SORCS1: variants seen among roughly 807,000 people sequenced by gnomAD.
SORCS1 encodes VPS10 domain-containing receptor SorCS1.
A neutral mutation model predicts 146.1 loss-of-function variants in SORCS1; 60 were observed. The observed-to-expected ratio is 0.41, with a 90% CI of 0.33 to 0.51. The LOEUF (loss-of-function observed/expected upper bound fraction) is 0.51. SORCS1 is among the 20% of genes least tolerant of loss of function. The pLI is 0.21. For missense variants in SORCS1, 1,352 were observed against 1,487.6 expected (o/e 0.91, Z 1.50); for synonymous variants, 637 against 584.0 (o/e 1.09, Z -1.31).
At chr10:106,842,413 T>C (rs1949090288) in intron 2 of SORCS1, among the ~76,000 whole-genome samples, 1 of 152,032 alleles carries the variant, frequency 6.6e-6, no homozygotes, top group Non-Finnish European at 1.5e-5. Context: ...TTTGTATTTT[T>C]AGTAGAGACA....
intron 1 of SORCS1, among the ~76,000 whole-genome samples, chr10:107,072,945 A>T (rs1172389015): frequency 6.6e-6 from 1 of 152,146 alleles, no homozygotes; most frequent in African/African-American, 2.4e-5. Context: ...AATGACACTG[A>T]TACAAAGGCC....
the SORCS1 span, among the ~76,000 whole-genome samples, chr10:107,171,514 C>CTTTTTTTTTTTTTTTTT: frequency 8.5e-6 from 1 of 117,272 alleles, no homozygotes; most frequent in Non-Finnish European, 1.7e-5. Context: ...GGGAATCCCC[C>CTTTTTTTTTTTTTTTTT]TTTTTTTTTT....
rs1358873 is a variant in SORCS1, at chr10:106,618,799, G to T, written c.2797-527C>A. Among the ~76,000 whole-genome samples the T allele has an allele frequency of 1.5e-3, 226 of 152,260 alleles. 1 individual carries two copies. The highest frequency in any genetic ancestry group is 3.2e-3 in the Admixed American group (49 of 15,286). The stretch of plus-strand genomic sequence containing the variant: ...CAGCAGTGGCCTTGTGTGCTGGCCC[G>T]CTTTGAGAAGCCTCATCAGCAGTTT... On this transcript the variant is annotated intron_variant, in intron 20 of 25. Transcript: ENST00000263054.
At chr10:107,042,838 G>T (rs987950607) in intron 1 of SORCS1, among the ~76,000 whole-genome samples, 1 of 152,108 alleles carries the variant, frequency 6.6e-6, no homozygotes, top group African/African-American at 2.4e-5. Context: ...TGGAACCCCT[G>T]ACCTTAAATG....
At chr10:106,738,004 A>T (rs1372216633) in intron 5 of SORCS1, among the ~76,000 whole-genome samples, 1 of 152,034 alleles carries the variant, frequency 6.6e-6, no homozygotes, top group Non-Finnish European at 1.5e-5. Flanking sequence ...ACAAAAAATT[A>T]ATGAGATAAA....
intron 1 of SORCS1, among the ~76,000 whole-genome samples, chr10:106,966,045 C>T (rs1955476801): frequency 6.6e-6 from 1 of 152,204 alleles, no homozygotes; most frequent in African/African-American, 2.4e-5. Flanking sequence ...ATTTAAATTA[C>T]TGGAGAACTT....
chr10:106,985,522 CTAT>C, intron 1 of SORCS1, among the ~76,000 whole-genome samples: 1 of 149,172 alleles, frequency 6.7e-6, no homozygotes, highest in South Asian at 2.1e-4. Context: ...TATTCATGTA[CTAT>C]TATTTCACTT....
chr10:107,147,250 A>G (rs539920164), intron 1 of SORCS1, among the ~76,000 whole-genome samples: 1 of 152,286 alleles, frequency 6.6e-6, no homozygotes, highest in East Asian at 1.9e-4. Context: ...GTCATTTTTC[A>G]AACGTTCTTG....
chr10:106,709,423 T>A, intron 6 of SORCS1, 82 bp from the exon 7 acceptor site: 5 of 693,778 alleles, frequency 7.2e-6, no homozygotes, highest in African/African-American at 1.9e-5. Flanking sequence ...GGACGTTTGA[T>A]ATTTCCCTTA....
intron 1 of SORCS1, among the ~76,000 whole-genome samples, chr10:107,123,995 G>A (rs1308868301): frequency 1.3e-5 from 2 of 151,662 alleles, no homozygotes; most frequent in Non-Finnish European, 2.9e-5. Context: ...GCTGAGGCAG[G>A]AGAATGGCAT....
intron 12 of SORCS1, among the ~76,000 whole-genome samples, 156 bp downstream of exon 12, chr10:106,679,100 C>A (rs565226504): frequency 6.6e-6 from 1 of 152,148 alleles, no homozygotes; most frequent in Non-Finnish European, 1.5e-5. Context: ...TACACTCCAA[C>A]ATTTAAGACT....
intron 2 of SORCS1, among the ~76,000 whole-genome samples, chr10:106,911,984 G>T (rs1395033572): frequency 6.6e-6 from 1 of 151,836 alleles, no homozygotes; most frequent in Non-Finnish European, 1.5e-5. Context: ...GTTGTGGCGG[G>T]CATCTGTAGT....
chr10:106,652,408 C>T lies in SORCS1; in HGVS notation c.2449G>A (p.Val817Ile), dbSNP rs960845496. The T allele has an allele frequency of 3.7e-6, 6 of 1,614,076 alleles. No homozygotes were observed. Among genetic ancestry groups the T allele is most frequent in the Admixed American group, 3.3e-5 (2 of 60,022 alleles). ...TCTTCTAATTGCACCATGAGAGTGA[C>T]GTTGTGTCCTTGTTCCGCTGTCAGC... is the stretch of plus-strand genomic sequence containing the variant. ...GKLTAEQGHNVTLMVQLEEGD... is the reference protein window; with the variant it reads ...GKLTAEQGHNITLMVQLEEGD... Residue 817 changes from valine to isoleucine, a missense_variant, in exon 18 of 26, where the codon GTC becomes ATC. This residue lies in a region of SORCS1 where 648 missense variants were observed against 793.8 expected (regional missense o/e 0.82). Coordinates refer to ENST00000263054, the MANE Select transcript of SORCS1 (RefSeq NM_052918.5).
chr10:107,048,428 C>T (rs898656051), intron 1 of SORCS1, among the ~76,000 whole-genome samples: 7 of 152,114 alleles, frequency 4.6e-5, no homozygotes, highest in South Asian at 2.1e-4. Flanking sequence ...CTATACTCTA[C>T]GTTTATTTGT....
At chr10:106,849,099 G>A (rs1435316763) in intron 2 of SORCS1, among the ~76,000 whole-genome samples, 7 of 145,148 alleles carry the variant, frequency 4.8e-5, no homozygotes, top group East Asian at 2.1e-4. Context: ...TCTTTGTGGC[G>A]TTCTCTGTAT....
chr10:106,691,503 T>C (rs561411360), intron 9 of SORCS1, among the ~76,000 whole-genome samples: 2 of 152,354 alleles, frequency 1.3e-5, no homozygotes, highest in African/African-American at 4.8e-5. Flanking sequence ...TAAGTCAAGA[T>C]ATCATTTTAA....
At chr10:107,033,569 G>T (rs990161885) in intron 1 of SORCS1, among the ~76,000 whole-genome samples, 1 of 152,160 alleles carries the variant, frequency 6.6e-6, no homozygotes, top group Non-Finnish European at 1.5e-5. Flanking sequence ...TCATCTAAAA[G>T]TAAACACCAA....
At chr10:107,018,407 C>T (rs1158217626) in intron 1 of SORCS1, among the ~76,000 whole-genome samples, 1 of 150,866 alleles carries the variant, frequency 6.6e-6, no homozygotes, top group Non-Finnish European at 1.5e-5. Flanking sequence ...AGGATGGTCT[C>T]GATCTCCTTA....
intron 18 of SORCS1, among the ~76,000 whole-genome samples, chr10:106,647,953 G>A (rs1178757908): frequency 2.0e-5 from 3 of 152,066 alleles, no homozygotes; most frequent in Admixed American, 1.3e-4. Context: ...CTGTAGCTTT[G>A]AACTCCTGTG....
Sources: allele counts gnomAD v4.1 joint callset (sites outside exome capture counted in the v4.1 genomes callset), GRCh38; gene constraint gnomAD v4.1.1; regional missense constraint gnomAD v4.1.1; transcripts MANE v1.5; gene names NCBI Gene and HGNC (gene_info 2026-07-23, HGNC 2026-07-21).